Variants in COL9A3 observed in about 807,000 individuals in gnomAD.
The protein encoded by COL9A3 is collagen alpha-3(IX) chain.
In COL9A3, 82 loss-of-function variants were observed where a neutral mutation model predicts 110.2. The ratio of observed to expected loss-of-function variants is 0.74; its 90% CI spans 0.62 to 0.89. COL9A3 has a LOEUF of 0.89. Among genes scored for constraint, COL9A3 ranks in the 40% least tolerant of loss-of-function variants. The probability of loss-of-function intolerance (pLI) is 0.00; values close to 1 mark genes in which losing one functional copy is unlikely to be tolerated. For missense variants in COL9A3, 1,066 were observed against 981.3 expected (o/e 1.09, Z -1.15); for synonymous variants, 494 against 403.8 (o/e 1.22, Z -2.68).
chr20:62,817,418 GGC>G (rs1394921965), intron 1 of COL9A3, 147 bp from the exon 2 acceptor site: 1 of 606,268 alleles, frequency 1.6e-6, no homozygotes, highest in African/African-American at 2.0e-5. Flanking sequence ...ACTGCGCGGG[GGC>G]GCCGGGCTCC....
intron 9 of COL9A3, 87 bp from the exon 10 acceptor site, chr20:62,822,504 G>A: frequency 7.0e-7 from 1 of 1,418,756 alleles, no homozygotes; most frequent in Non-Finnish European, 9.9e-7. Flanking sequence ...GGAAGGTTGT[G>A]GTCCGTCAGA....
chr20:62,836,592 C>A, intron 29 of COL9A3, 60 bp downstream of exon 29: 1 of 1,523,424 alleles, frequency 6.6e-7, no homozygotes, highest in Non-Finnish European at 8.9e-7. Context: ...GGTCCCGTGC[C>A]TGGGGCTACA....
chr20:62,840,145 C>T (rs1226545583), intron 31 of COL9A3, among the ~76,000 whole-genome samples: 2 of 151,984 alleles, frequency 1.3e-5, no homozygotes, highest in Non-Finnish European at 2.9e-5. Context: ...GCGGCTGACT[C>T]CCTCTTCCCT....
intron 12 of COL9A3, 70 bp downstream of exon 12, chr20:62,825,091 C>A: frequency 1.6e-6 from 1 of 619,764 alleles, no homozygotes; most frequent in Non-Finnish European, 2.7e-6. Flanking sequence ...GAGGGAGGGG[C>A]TGGGCTCCGG....
At chr20:62,820,964 A>C (rs1261026389) in intron 5 of COL9A3, among the ~76,000 whole-genome samples, 2 of 152,146 alleles carry the variant, frequency 1.3e-5, no homozygotes, top group Admixed American at 1.3e-4. Context: ...TCTTGCAGCG[A>C]GCGCTGGGAC....
In COL9A3 at chr20:62,821,359, G is replaced by A. The variant is rs77447945; in HGVS notation, c.345+143G>A. Reference sequence around the variant, plus strand: ...CCTCTCCGGAGGCTGGTGCCTGGATGGGGTCCTGGTGCCCTCTCTGGGCTG... The same window carrying A: ...CCTCTCCGGAGGCTGGTGCCTGGATAGGGTCCTGGTGCCCTCTCTGGGCTG... On this transcript the variant is annotated intron_variant, in intron 6 of 31. Coordinates refer to ENST00000649368, the MANE Select transcript of COL9A3 (RefSeq NM_001853.4). The A allele has an allele frequency of 1.7e-3, 2,284 of 1,335,766 alleles. 19 individuals are homozygous for A. The African/African-American group carries it at 0.029, about 17-fold the overall frequency. 82.7% of individuals were successfully genotyped at this position (1,335,766 alleles called of 1,614,324 possible). A position where few individuals can be genotyped will look rare whatever the true frequency, so the allele number is the denominator to read the frequency against.
intron 29 of COL9A3, 47 bp downstream of exon 29, chr20:62,836,579 G>C (rs1342279890): frequency 2.6e-6 from 4 of 1,557,922 alleles, no homozygotes; most frequent in African/African-American, 1.4e-5. Context: ...ATCCCCGCCT[G>C]GGGGTCCCGT....
rs187029939 is a variant in COL9A3, at chr20:62,817,438, G to A, written c.79-129G>A. On this transcript the variant is annotated intron_variant, in intron 1 of 31. Coordinates refer to ENST00000649368, the MANE Select transcript of COL9A3 (RefSeq NM_001853.4). Reference sequence around the variant, plus strand: ...GCGGGGGCGCCGGGCTCCGCCCGAGGCTTTGGGTCTCACCGAGGAGAGCGG... The same window carrying A: ...GCGGGGGCGCCGGGCTCCGCCCGAGACTTTGGGTCTCACCGAGGAGAGCGG... 8.5e-4 allele frequency: 582 copies of A among 687,730 alleles called. 8 individuals carry two copies. The East Asian group carries it at 0.016, about 19-fold the overall frequency. The allele number at this position is 687,730 out of a possible 1,614,324, so 42.6% of individuals were successfully genotyped here.
rs779125875 is a variant in COL9A3 at position 62,825,031 on chromosome 20, C to T, written c.630+10C>T. 12 of 1,605,656 alleles carry T rather than the reference C, an allele frequency of 7.5e-6. No homozygotes were observed. The East Asian group carries it at 2.7e-4, about 36-fold the overall frequency. On this transcript the variant is annotated intron_variant, in intron 12 of 31. Transcript: ENST00000649368. ...CAAGGACGGCGAGAAGGTGAAGCTG[C>T]CGCACAGCAGCTGGGGAGGAGCTGG... is the stretch of plus-strand genomic sequence containing the variant.
Position 62,819,228 on chromosome 20 carries a change from A to G in COL9A3, c.190A>G (p.Lys64Glu). ...GCCCTTTCCTCCTGCACAGGGACCAAAGGGGGCCCCAGGAAAGCCGGGGAA... is the reference window on the plus strand; with the variant it reads ...GCCCTTTCCTCCTGCACAGGGACCAGAGGGGGCCCCAGGAAAGCCGGGGAA... ...PPGLPGPPGP[K>E]GAPGKPGKPG... Residue 64 changes from lysine (K) to glutamate (E), a missense_variant, in exon 4 of 32, where the codon AAG becomes GAG. Physicochemically the swap from Lys to Glu is moderately conservative, Grantham distance 56 (BLOSUM62 1). Transcript: ENST00000649368. 2 of 1,612,704 alleles carry G rather than the reference A, an allele frequency of 1.2e-6. No individual in the cohort carries two copies. The highest frequency in any genetic ancestry group is 1.7e-6 in the Non-Finnish European group (2 of 1,179,928).
chr20:62,818,452 C>T (rs1026561603), intron 2 of COL9A3, 66 bp from the exon 3 acceptor site: 4 of 1,499,256 alleles, frequency 2.7e-6, no homozygotes, highest in African/African-American at 1.4e-5. Context: ...CTGCTCTTTT[C>T]CCCGAGGCGG....
intron 25 of COL9A3, 102 bp from the exon 26 acceptor site, chr20:62,832,918 T>G (rs2063607880): frequency 8.9e-7 from 1 of 1,117,520 alleles, no homozygotes; most frequent in South Asian, 1.2e-5. Flanking sequence ...GACCTTAAGA[T>G]GAACATTACA....
chr20:62,817,060 C>G lies in COL9A3; in HGVS notation c.-5C>G. 4.4e-6 allele frequency: 6 copies of G among 1,353,206 alleles called. No homozygotes were observed. The highest frequency in any genetic ancestry group is 5.7e-6 in the Non-Finnish European group (6 of 1,045,620). 83.8% of individuals were successfully genotyped at this position (1,353,206 alleles called of 1,614,324 possible). On this transcript the variant is annotated 5_prime_UTR_variant, in exon 1 of 32. Coordinates refer to ENST00000649368, the MANE Select transcript of COL9A3 (RefSeq NM_001853.4). ...CCGACGCCGCAGCTCAGACTCCGCT[C>G]AGCCATGGCCGGGCCGCGCGCGTGC...
intron 5 of COL9A3, among the ~76,000 whole-genome samples, chr20:62,820,323 G>A (rs905110949): frequency 3.9e-5 from 6 of 152,090 alleles, no homozygotes; most frequent in African/African-American, 1.2e-4. Flanking sequence ...CCCCGGGCAC[G>A]CAGCCTGCAG....
At position 62,825,816 on chromosome 20, in the gene COL9A3, G is replaced by A. The variant is rs1177052461; in HGVS notation, c.631-1G>A. The A allele has an allele frequency of 5.8e-6, 9 of 1,553,492 alleles. No homozygotes were observed. The highest frequency in any genetic ancestry group is 7.0e-6 in the Non-Finnish European group (8 of 1,148,296). ...TGACCACCCTATCCCCTCTGTTTCA[G>A]GGTGACCCTGGCCCCCCTGGGCCCG... On this transcript the variant is annotated splice_acceptor_variant, in intron 12 of 31. Coordinates refer to ENST00000649368, the MANE Select transcript of COL9A3 (RefSeq NM_001853.4). LOFTEE classifies it high-confidence loss of function.
Position 62,833,023 on chromosome 20 carries a change from A to G in COL9A3, c.1327A>G (p.Ile443Val), listed in dbSNP as rs79269394. 1.9e-3 allele frequency: 3,069 copies of G among 1,613,604 alleles called. 43 individuals are homozygous for G. In the African/African-American group the frequency reaches 0.03, roughly 16 times the overall value. ...GAAGPKGDQG[I>V]AGSDGLPGDK... Reference sequence around the variant, plus strand: ...CTTTGGGGTGTATCGTTTTCAGGGTATTGCAGGTTCCGACGGTCTTCCTGG... The same window carrying G: ...CTTTGGGGTGTATCGTTTTCAGGGTGTTGCAGGTTCCGACGGTCTTCCTGG... The change falls in exon 26 of 32, where the codon ATT becomes GTT. Residue 443 changes from isoleucine (I) to valine (V), a missense_variant. Ile to Val is a conservative substitution (Grantham distance 29). Transcript: ENST00000649368.
At chr20:62,833,175 T>A in intron 26 of COL9A3, 111 bp downstream of exon 26, 3 of 896,304 alleles carry the variant, frequency 3.3e-6, no homozygotes, top group Non-Finnish European at 5.6e-6. Flanking sequence ...CGGTGGAAGA[T>A]CGGCAGCTCT....
chr20:62,840,556 C>T lies in COL9A3; in HGVS notation c.1879C>T (p.Pro627Ser). 6.2e-7 allele frequency: 1 copy of T among 1,612,020 alleles called. No homozygotes were observed. Among genetic ancestry groups the T allele is most frequent in the South Asian group, 1.1e-5 (1 of 91,024 alleles). ...TCTGTCCCAAGGACCCCAAGGCGTGCCCGGCACCAGCAAGGACGGCCAGGA... is the reference window on the plus strand; with the variant it reads ...TCTGTCCCAAGGACCCCAAGGCGTGTCCGGCACCAGCAAGGACGGCCAGGA... ...DQGPQGPQGVPGTSKDGQDGA... is the reference protein window; with the variant it reads ...DQGPQGPQGVSGTSKDGQDGA... The change falls in exon 32 of 32, where the codon CCC (proline) becomes TCC (serine). Residue 627 changes from proline (P) to serine (S), a missense_variant. Physicochemically the swap from Pro to Ser is moderately conservative, Grantham distance 74 (BLOSUM62 -1). Transcript: ENST00000649368.
intron 11 of COL9A3, 114 bp from the exon 12 acceptor site, chr20:62,824,854 C>CGCT: frequency 8.7e-7 from 1 of 1,144,250 alleles, no homozygotes; most frequent in Non-Finnish European, 1.3e-6. Context: ...CGGTCCTGTG[C>CGCT]GCTGCCGTGT....
Sources: allele counts gnomAD v4.1 joint callset (sites outside exome capture counted in the v4.1 genomes callset), GRCh38; gene constraint gnomAD v4.1.1; transcripts MANE v1.5; gene names NCBI Gene and HGNC (gene_info 2026-07-23, HGNC 2026-07-21).